Variants in CMSS1 observed in about 807,000 individuals in gnomAD.
CMSS1 encodes the protein cms1 ribosomal small subunit homolog.
In CMSS1, 33 loss-of-function variants were observed where a neutral mutation model predicts 43.5. The ratio of observed to expected loss-of-function variants is 0.76; its 90% CI spans 0.57 to 1.01. The LOEUF (loss-of-function observed/expected upper bound fraction) is 1.01, where lower values mean the gene tolerates loss of function less well. Ranked by LOEUF, CMSS1 falls within the 50% of genes least tolerant of loss-of-function variation. The probability of loss-of-function intolerance (pLI) is 0.00; values close to 1 mark genes in which losing one functional copy is unlikely to be tolerated. For missense variants in CMSS1, 313 were observed against 326.4 expected (o/e 0.96, Z 0.32); for synonymous variants, 115 against 117.2 (o/e 0.98, Z 0.12).
chr3:99,937,335 G>A (rs553406014), intron 1 of CMSS1, among the ~76,000 whole-genome samples: 6 of 152,206 alleles, frequency 3.9e-5, no homozygotes, highest in East Asian at 1.9e-4. Context: ...CAAACCCCTA[G>A]CCTTTGAGTC....
intron 1 of CMSS1, among the ~76,000 whole-genome samples, chr3:100,070,034 G>A (rs1007348808): frequency 5.3e-5 from 8 of 151,946 alleles, no homozygotes; most frequent in Non-Finnish European, 5.9e-5. Context: ...AAACTCATGC[G>A]TTAAAAATTA....
chr3:100,143,898 A>G (rs758923329), intron 1 of CMSS1, among the ~76,000 whole-genome samples: 10 of 152,026 alleles, frequency 6.6e-5, no homozygotes, highest in African/African-American at 1.7e-4. Flanking sequence ...CCACTGACCA[A>G]TATTTTCATA....
chr3:100,005,251 A>T (rs1287356838), intron 1 of CMSS1, among the ~76,000 whole-genome samples: 2 of 152,076 alleles, frequency 1.3e-5, no homozygotes, highest in African/African-American at 4.8e-5. Flanking sequence ...TTTTTCTCAG[A>T]TTGCTCACTT....
At chr3:100,011,260 G>T (rs371559427) in intron 1 of CMSS1, among the ~76,000 whole-genome samples, 1 of 152,062 alleles carries the variant, frequency 6.6e-6, no homozygotes, top group African/African-American at 2.4e-5. Context: ...TTTTTCCTCA[G>T]GGAAATGTTT....
At chr3:100,172,061 C>T (rs959286985) in intron 7 of CMSS1, 162 bp downstream of exon 7, 1 of 653,704 alleles carries the variant, frequency 1.5e-6, no homozygotes, top group Admixed American at 2.9e-5. Flanking sequence ...CTTCTGCATA[C>T]CTACCTCCCC....
At chr3:99,969,768 T>C (rs1168839043) in intron 1 of CMSS1, among the ~76,000 whole-genome samples, 1 of 152,084 alleles carries the variant, frequency 6.6e-6, no homozygotes, top group African/African-American at 2.4e-5. Context: ...ACCATGGAGA[T>C]GAAGAAGGTG....
intron 2 of CMSS1, chr3:100,159,862 A>G (rs1343966156): frequency 1.8e-5 from 8 of 456,586 alleles, no homozygotes; most frequent in Middle Eastern, 3.3e-4. Flanking sequence ...TAGCAAAGAC[A>G]TTCATTTTGT....
chr3:100,043,642 A>AT (rs1408600433), intron 1 of CMSS1, among the ~76,000 whole-genome samples: 1 of 152,214 alleles, frequency 6.6e-6, no homozygotes, highest in Non-Finnish European at 1.5e-5. Context: ...CTGGAAGGTG[A>AT]TTATGATATG....
chr3:100,063,243 T>C (rs2065604569), intron 1 of CMSS1, among the ~76,000 whole-genome samples: 1 of 152,204 alleles, frequency 6.6e-6, no homozygotes. Context: ...AAATAAGCCC[T>C]GGTACTGCTT....
At chr3:100,091,750 A>G (rs1559754485) in intron 1 of CMSS1, among the ~76,000 whole-genome samples, 1 of 152,264 alleles carries the variant, frequency 6.6e-6, no homozygotes, top group Non-Finnish European at 1.5e-5. Flanking sequence ...CATTAGTCAG[A>G]GTAAAATCCT....
intron 1 of CMSS1, chr3:100,115,070 A>G: frequency 9.5e-7 from 1 of 1,051,310 alleles, no homozygotes; most frequent in South Asian, 1.4e-5. Context: ...CATACTTAGG[A>G]TTGCTAAAAT....
chr3:100,022,932 T>G (rs1173792351), intron 1 of CMSS1, among the ~76,000 whole-genome samples: 1 of 152,210 alleles, frequency 6.6e-6, no homozygotes, highest in East Asian at 1.9e-4. Context: ...GATCTGACAC[T>G]AGATGCACCA....
intron 1 of CMSS1, among the ~76,000 whole-genome samples, chr3:100,068,904 A>T (rs1008213555): frequency 6.6e-6 from 1 of 152,038 alleles, no homozygotes; most frequent in Non-Finnish European, 1.5e-5. Flanking sequence ...CACAGGTACC[A>T]CTCCCAAGAA....
chr3:99,842,363 G>T (rs1225649242), intron 1 of CMSS1, among the ~76,000 whole-genome samples: 1 of 152,086 alleles, frequency 6.6e-6, no homozygotes, highest in African/African-American at 2.4e-5. Flanking sequence ...AGGGATAAAA[G>T]ACTACACATT....
At chr3:100,152,754 T>A (rs1300627500) in intron 2 of CMSS1, among the ~76,000 whole-genome samples, 1 of 152,160 alleles carries the variant, frequency 6.6e-6, no homozygotes, top group African/African-American at 2.4e-5. Context: ...AATAGACACA[T>A]TTTCCATATA....
chr3:99,852,415 T>G (rs1943741208), intron 1 of CMSS1, among the ~76,000 whole-genome samples: 1 of 152,144 alleles, frequency 6.6e-6, no homozygotes, highest in South Asian at 2.1e-4. Flanking sequence ...TTGAAAGTTG[T>G]GTAAGGATTT....
intron 1 of CMSS1, among the ~76,000 whole-genome samples, chr3:100,019,253 G>A (rs1407328894): frequency 1.3e-5 from 2 of 152,082 alleles, no homozygotes; most frequent in African/African-American, 4.8e-5. Context: ...TCAGCTACTC[G>A]GGAGGCTGAG....
At chr3:99,869,651 C>G (rs750139481) in intron 1 of CMSS1, among the ~76,000 whole-genome samples, 1 of 152,160 alleles carries the variant, frequency 6.6e-6, no homozygotes, top group Admixed American at 6.5e-5. Flanking sequence ...CTGGACCAGG[C>G]AACTCCTTCC....
At chr3:99,919,489 G>C (rs1376950155) in intron 1 of CMSS1, among the ~76,000 whole-genome samples, 1 of 150,852 alleles carries the variant, frequency 6.6e-6, no homozygotes, top group Non-Finnish European at 1.5e-5. Context: ...TTTTGTTTCA[G>C]TTAATGAATG....
Sources: allele counts gnomAD v4.1 joint callset (sites outside exome capture counted in the v4.1 genomes callset), GRCh38; gene constraint gnomAD v4.1.1; transcripts MANE v1.5; gene names NCBI Gene and HGNC (gene_info 2026-07-23, HGNC 2026-07-21).